AARS1: variants seen among roughly 807,000 people sequenced by gnomAD.
AARS1 encodes alanine--tRNA ligase, cytoplasmic.
AARS1 carries 72 observed loss-of-function variants against 108.9 expected under a neutral mutation model. The observed-to-expected ratio is 0.66, with a 90% CI of 0.55 to 0.80. AARS1 has a LOEUF of 0.80. AARS1 is among the 30% of genes least tolerant of loss of function. The pLI is 0.00. For missense variants in AARS1, 1,193 were observed against 1,233.2 expected (o/e 0.97, Z 0.49); for synonymous variants, 489 against 465.7 (o/e 1.05, Z -0.64).
intron 4 of AARS1, among the ~76,000 whole-genome samples, chr16:70,272,413 G>C (rs544591628): frequency 7.0e-6 from 1 of 143,652 alleles, no homozygotes; most frequent in Admixed American, 7.5e-5. Flanking sequence ...GGCTGAGGCA[G>C]GAGAATCACT....
chr16:70,276,471 G>C lies in AARS1; in HGVS notation c.479+15C>G. On this transcript the variant is annotated intron_variant, in intron 4 of 20. Coordinates refer to ENST00000261772, the MANE Select transcript of AARS1 (RefSeq NM_001605.3). ...TCACTCCTCCATACTCTCAAGAAGT[G>C]ATGTGCATTCTTACCCCAAATTTTG... 6.2e-7 allele frequency: 1 copy of C among 1,613,578 alleles called. No individual in the cohort carries two copies. The highest frequency in any genetic ancestry group is 8.5e-7 in the Non-Finnish European group (1 of 1,179,732).
At chr16:70,255,077 A>G (rs1959947955) in intron 16 of AARS1, among the ~76,000 whole-genome samples, 1 of 152,118 alleles carries the variant, frequency 6.6e-6, no homozygotes, top group Non-Finnish European at 1.5e-5. Flanking sequence ...GCACGGCCTC[A>G]GACTAAGCAC....
intron 11 of AARS1, among the ~76,000 whole-genome samples, chr16:70,263,756 C>T (rs1162732036): frequency 3.3e-5 from 5 of 151,920 alleles, no homozygotes; most frequent in African/African-American, 1.2e-4. Flanking sequence ...CCTGCCTCAG[C>T]CCCACAAATA....
rs538724190 is a variant in AARS1, at chr16:70,255,907, G to A, written c.2178-71C>T. ...CCCTTGGCTGGGGGGTCACACTAGCGGACAAGAGAAGCAGGAATGGGTTGA... is the reference window on the plus strand; with the variant it reads ...CCCTTGGCTGGGGGGTCACACTAGCAGACAAGAGAAGCAGGAATGGGTTGA... On this transcript the variant is annotated intron_variant, in intron 15 of 20. Transcript: ENST00000261772. 6.0e-4 allele frequency: 839 copies of A among 1,402,528 alleles called. 1 individual carries two copies. Among genetic ancestry groups the A allele is most frequent in the Admixed American group, 9.5e-4 (49 of 51,568 alleles). The allele number at this position is 1,402,528 out of a possible 1,614,324, so 86.9% of individuals were successfully genotyped here.
At chr16:70,281,188 T>G (rs1405773972) in intron 2 of AARS1, among the ~76,000 whole-genome samples, 1 of 152,152 alleles carries the variant, frequency 6.6e-6, no homozygotes, top group South Asian at 2.1e-4. Context: ...TAAATTTTCT[T>G]CAGCAATGGA....
At chr16:70,266,416 A>G (rs1001033464) in intron 9 of AARS1, among the ~76,000 whole-genome samples, 3 of 151,868 alleles carry the variant, frequency 2.0e-5, no homozygotes, top group Non-Finnish European at 2.9e-5. Context: ...GAATGGCATG[A>G]CCCTGGGAGG....
At chr16:70,253,659 C>G in intron 19 of AARS1, 55 bp downstream of exon 19, 1 of 1,583,388 alleles carries the variant, frequency 6.3e-7, no homozygotes, top group Non-Finnish European at 8.6e-7. Context: ...GGCCACATGT[C>G]AGCCACCAGA....
At chr16:70,272,081 ATGTTAC>A in intron 4 of AARS1, 109 bp from the exon 5 acceptor site, 1 of 949,538 alleles carries the variant, frequency 1.1e-6, no homozygotes, top group Non-Finnish European at 1.7e-6. Context: ...ACAGTGGCTC[ATGTTAC>A]TGCACTCCAG....
At position 70,265,522 on chromosome 16, in the gene AARS1, T is replaced by C. The variant is rs1403265579; in HGVS notation, c.1347+16A>G. The C allele has an allele frequency of 6.2e-7, 1 of 1,613,748 alleles. No homozygotes were observed. Among genetic ancestry groups the C allele is most frequent in the Admixed American group, 1.7e-5 (1 of 60,002 alleles). On this transcript the variant is annotated intron_variant, in intron 10 of 20. Transcript: ENST00000261772. Reference sequence around the variant, plus strand: ...GGAAGGTGTTGGGTTTCCTGTTCACTCTCCAAGTTCTTTACCTGGGCCAGT... The same window carrying C: ...GGAAGGTGTTGGGTTTCCTGTTCACCCTCCAAGTTCTTTACCTGGGCCAGT...
Position 70,282,678 on chromosome 16 carries a change from G to C in AARS1, c.86C>G (p.Ser29Cys). Residue 29 changes from serine (S) to cysteine (C), a missense_variant, in exon 2 of 21, where the codon TCT (serine) becomes TGT (cysteine). Physicochemically the swap from Ser to Cys is moderately radical, Grantham distance 112. Coordinates refer to ENST00000261772, the MANE Select transcript of AARS1 (RefSeq NM_001605.3). ...GGGGTCATCCAATGGGATGGTGGCA[G>C]ACGAGTGAACATACGTATGCTCGTT... The part of the protein sequence containing the change: ...KRNEHTYVHS[S>C]ATIPLDDPTL... 6.2e-7 allele frequency: 1 copy of C among 1,614,166 alleles called. No individual in the cohort carries two copies.
At chr16:70,253,527 G>A in intron 19 of AARS1, 146 bp from the exon 20 acceptor site, 4 of 1,018,362 alleles carry the variant, frequency 3.9e-6, no homozygotes, top group Non-Finnish European at 6.0e-6. Flanking sequence ...GAGGACCCCA[G>A]CGCCGGGCCC....
Position 70,252,793 on chromosome 16 carries a change from AACGTTCTTGCCTGTGGCCTGTGCAG to A in AARS1, c.2810_2834del (p.Ser937LeufsTer22). 1 of 1,614,202 alleles carries A rather than the reference AACGTTCTTGCCTGTGGCCTGTGCAG, an allele frequency of 6.2e-7. No individual in the cohort carries two copies. On this transcript the variant is annotated frameshift_variant, in exon 21 of 21. Coordinates refer to ENST00000261772, the MANE Select transcript of AARS1 (RefSeq NM_001605.3). LOFTEE classifies it high-confidence loss of function. ...GCTGCAGCGCCTCCTGCAGGCAGCCAACGTTCTTGCCTGTGGCCTGTGCAGACACATCCTTGCCACCACCTTTACC... is the reference window on the plus strand; with the variant it reads ...GCTGCAGCGCCTCCTGCAGGCAGCCAACACATCCTTGCCACCACCTTTACC...
chr16:70,260,764 G>A (rs1201737938), intron 13 of AARS1, among the ~76,000 whole-genome samples: 12 of 151,998 alleles, frequency 7.9e-5, no homozygotes, highest in African/African-American at 2.4e-4. Flanking sequence ...CCGGGTTCAC[G>A]CCATTCTCCT....
At chr16:70,279,180 T>C (rs1022334033) in intron 2 of AARS1, among the ~76,000 whole-genome samples, 3 of 151,192 alleles carry the variant, frequency 2.0e-5, no homozygotes, top group African/African-American at 7.3e-5. Context: ...TGAAACCCCA[T>C]CTCTACTAAA....
intron 11 of AARS1, among the ~76,000 whole-genome samples, chr16:70,264,315 A>C (rs930130103): frequency 2.2e-4 from 33 of 151,542 alleles, no homozygotes; most frequent in African/African-American, 8.0e-4. Context: ...TCCTAATAGC[A>C]TTCTTTTTCT....
chr16:70,256,083 G>A (rs1298725837), intron 15 of AARS1, among the ~76,000 whole-genome samples: 1 of 152,130 alleles, frequency 6.6e-6, no homozygotes, highest in Non-Finnish European at 1.5e-5. Flanking sequence ...AGTGCTTTGT[G>A]GTCCCTAATA....
chr16:70,266,830 C>T (rs1173027138), intron 9 of AARS1, among the ~76,000 whole-genome samples: 1 of 151,026 alleles, frequency 6.6e-6, no homozygotes, highest in Non-Finnish European at 1.5e-5. Flanking sequence ...CCTTACACAT[C>T]TATTTCTTTT....
intron 4 of AARS1, among the ~76,000 whole-genome samples, chr16:70,273,176 C>G (rs926283449): frequency 6.6e-6 from 1 of 152,020 alleles, no homozygotes; most frequent in East Asian, 1.9e-4. Context: ...AAAAGAGAAG[C>G]AGCCCTGTTT....
intron 14 of AARS1, 126 bp downstream of exon 14, chr16:70,258,854 C>A (rs1177099853): frequency 2.5e-6 from 3 of 1,184,380 alleles, no homozygotes; most frequent in Admixed American, 3.7e-5. Flanking sequence ...CGTGCCCAGC[C>A]TGCTTTAAGC....
Sources: allele counts gnomAD v4.1 joint callset (sites outside exome capture counted in the v4.1 genomes callset), GRCh38; gene constraint gnomAD v4.1.1; transcripts MANE v1.5; gene names NCBI Gene and HGNC (gene_info 2026-07-23, HGNC 2026-07-21).